Variants in MAMLD1 observed in about 807,000 individuals in gnomAD.
The protein encoded by MAMLD1 is mastermind like domain containing 1.
A neutral mutation model predicts 45.0 loss-of-function variants in MAMLD1; 14 were observed. That is an observed-to-expected ratio of 0.31 (90% CI 0.21 to 0.49). The LOEUF (loss-of-function observed/expected upper bound fraction) is 0.49, where lower values mean the gene tolerates loss of function less well. Among genes scored for constraint, MAMLD1 ranks in the 20% least tolerant of loss-of-function variants. The pLI is 0.99. For missense variants in MAMLD1, 543 were observed against 603.6 expected, an observed-to-expected ratio of 0.90 and a Z score of 1.05; for synonymous variants, 254 against 247.8, an observed-to-expected ratio of 1.02 and a Z score of -0.24.
At chrX:150,488,155 G>A (rs1286779200) in intron 5 of MAMLD1, among the ~76,000 whole-genome samples, 6 of 112,433 alleles carry the variant, frequency 5.3e-5, no homozygotes, top group South Asian at 3.7e-4. Flanking sequence ...GGAAGCTGGT[G>A]CCTTCCAGTG....
chrX:150,477,073 G>A (rs1222653691), intron 5 of MAMLD1, among the ~76,000 whole-genome samples: 1 of 113,430 alleles, frequency 8.8e-6, no homozygotes, highest in Admixed American at 9.2e-5. Flanking sequence ...CTGGGGCCTT[G>A]GCAGGGGACA....
chrX:150,363,776 G>T (rs5969983), intron 1 of MAMLD1, among the ~76,000 whole-genome samples: 11,444 of 112,057 alleles, frequency 0.1, 534 homozygotes, highest in African/African-American at 0.18. Flanking sequence ...TTGGCTCGGC[G>T]CCCGTCGGGC....
intron 1 of MAMLD1, among the ~76,000 whole-genome samples, chrX:150,403,427 T>C (rs2033870534): frequency 1.8e-5 from 2 of 111,832 alleles, no homozygotes; most frequent in East Asian, 2.8e-4. Context: ...TGGCACTGAA[T>C]TGTAAACATT....
chrX:150,508,784 A>G (rs1198335482), intron 6 of MAMLD1, among the ~76,000 whole-genome samples: 1 of 112,303 alleles, frequency 8.9e-6, no homozygotes, highest in Non-Finnish European at 1.9e-5. Context: ...TCGGGGGGAC[A>G]CAGACCAGAA....
At chrX:150,446,994 C>A (rs1359507207) in intron 2 of MAMLD1, among the ~76,000 whole-genome samples, 1 of 112,295 alleles carries the variant, frequency 8.9e-6, no homozygotes, top group Non-Finnish European at 1.9e-5. Context: ...TCCCCAACTC[C>A]ATCAACACTC....
chrX:150,504,679 A>G (rs2037671368), intron 6 of MAMLD1: 1 of 745,338 alleles, frequency 1.3e-6, no homozygotes, highest in Non-Finnish European at 1.6e-6. Context: ...GCCACAGATG[A>G]AAGGATATCA....
chrX:150,394,119 T>TA (rs2033305485), intron 1 of MAMLD1, among the ~76,000 whole-genome samples: 1 of 99,569 alleles, frequency 1.0e-5, no homozygotes, highest in South Asian at 5.0e-4. Context: ...GTAAGGTCTA[T>TA]ATCTACATCC....
At chrX:150,385,655 G>A (rs1448628480) in intron 1 of MAMLD1, among the ~76,000 whole-genome samples, 2 of 111,311 alleles carry the variant, frequency 1.8e-5, no homozygotes, top group African/African-American at 3.3e-5. Flanking sequence ...AAGAGGAAGG[G>A]TTGCTCTTGC....
At chrX:150,487,802 T>C (rs1308677117) in intron 5 of MAMLD1, among the ~76,000 whole-genome samples, 3 of 112,409 alleles carry the variant, frequency 2.7e-5, no homozygotes, top group Non-Finnish European at 5.6e-5. Context: ...TGTTCCTTTA[T>C]AGCACTTACC....
chrX:150,445,381 A>G (rs1315476583), intron 1 of MAMLD1, 73 bp from the exon 2 acceptor site: 16 of 511,634 alleles, frequency 3.1e-5, no homozygotes, highest in Non-Finnish European at 5.0e-5. Flanking sequence ...CTTCAGAGTG[A>G]AAGTCTGTGA....
At chrX:150,468,223 C>T (rs781926201) in intron 3 of MAMLD1, among the ~76,000 whole-genome samples, 29 of 112,106 alleles carry the variant, frequency 2.6e-4, no homozygotes, top group Non-Finnish European at 4.5e-4. Context: ...AGGCCTGAGA[C>T]ATACAGCCCT....
chrX:150,489,802 GTACT>G (rs2037123600), intron 5 of MAMLD1, among the ~76,000 whole-genome samples: 1 of 110,686 alleles, frequency 9.0e-6, no homozygotes, highest in Admixed American at 9.6e-5. Flanking sequence ...TTCAAGGAAT[GTACT>G]GGGGGAAATG....
At chrX:150,432,256 A>G (rs924860899) in intron 1 of MAMLD1, among the ~76,000 whole-genome samples, 1 of 111,632 alleles carries the variant, frequency 9.0e-6, no homozygotes, top group African/African-American at 3.3e-5. Context: ...GTGCTCTGCC[A>G]CTTTTTAATG....
At position 150,453,822 on chromosome X, in the gene MAMLD1, G is replaced by T. The variant is rs782226866; in HGVS notation, c.96+8210G>T. The stretch of plus-strand genomic sequence containing the variant: ...GGGCCTTCCCACTTGCTGCCCTCCT[G>T]CCTGGGATGCTCTGCCCCCAGTCCT... On this transcript the variant is annotated intron_variant, in intron 2 of 7. Coordinates refer to ENST00000370401, the MANE Select transcript of MAMLD1 (RefSeq NM_005491.5). Among the ~76,000 whole-genome samples, 7 of 112,206 alleles carry T rather than the reference G, an allele frequency of 6.2e-5. No individual in the cohort carries two copies. The East Asian group carries it at 1.1e-3, about 18-fold the overall frequency.
At chrX:150,399,455 C>T (rs1264662306) in intron 1 of MAMLD1, among the ~76,000 whole-genome samples, 1 of 111,599 alleles carries the variant, frequency 9.0e-6, no homozygotes, top group Non-Finnish European at 1.9e-5. Flanking sequence ...CCTTAGAACC[C>T]GTGAATGTGA....
intron 2 of MAMLD1, among the ~76,000 whole-genome samples, chrX:150,461,012 G>A (rs1276076223): frequency 1.8e-5 from 2 of 112,932 alleles, no homozygotes; most frequent in African/African-American, 6.4e-5. Context: ...GGATCCACAG[G>A]TAGCCAAGTC....
chrX:150,417,233 C>T (rs1235695793), intron 1 of MAMLD1, among the ~76,000 whole-genome samples: 1 of 106,609 alleles, frequency 9.4e-6, no homozygotes, highest in Admixed American at 1.0e-4. Flanking sequence ...TTGTTCAATT[C>T]CCACCTATGA....
At chrX:150,488,945 C>T (rs377060840) in intron 5 of MAMLD1, among the ~76,000 whole-genome samples, 2 of 113,154 alleles carry the variant, frequency 1.8e-5, no homozygotes, top group African/African-American at 6.4e-5. Flanking sequence ...TCAGAGGACT[C>T]AACTGAATCC....
chrX:150,476,040 C>T (rs1423853050), intron 5 of MAMLD1, among the ~76,000 whole-genome samples: 1 of 111,772 alleles, frequency 8.9e-6, no homozygotes, highest in Non-Finnish European at 1.9e-5. Context: ...AACTTTTGCC[C>T]CCACATAAAA....
Sources: gnomAD v4.1 joint callset for allele counts (sites outside exome capture counted in the v4.1 genomes callset) on GRCh38, gnomAD v4.1.1 for gene constraint, MANE v1.5 for transcripts, NCBI Gene and HGNC (gene_info 2026-07-23, HGNC 2026-07-21) for gene names.